SPG11: variants seen among roughly 807,000 people sequenced by gnomAD.
SPG11 encodes SPG11 vesicle trafficking associated, spatacsin.
In SPG11, 222 loss-of-function variants were observed where a neutral mutation model predicts 274.0. The ratio of observed to expected loss-of-function variants is 0.81; its 90% CI spans 0.73 to 0.91. SPG11 has a LOEUF of 0.91. Ranked by LOEUF, SPG11 falls within the 40% of genes least tolerant of loss-of-function variation. The pLI is 0.00. For missense variants in SPG11, 3,114 were observed against 2,872.7 expected, an observed-to-expected ratio of 1.08 and a Z score of -1.92; for synonymous variants, 1,144 against 1,039.7, an observed-to-expected ratio of 1.10 and a Z score of -1.93.
rs754007890 is a variant in SPG11, at chr15:44,592,421, CAGT to C, written c.4650_4652del (p.Leu1551del). The C allele has an allele frequency of 6.2e-7, 1 of 1,601,892 alleles. No homozygotes were observed. Among genetic ancestry groups the C allele is most frequent in the Admixed American group, 1.7e-5 (1 of 59,996 alleles). On this transcript the variant is annotated inframe_deletion, in exon 27 of 40. Coordinates refer to ENST00000261866, the MANE Select transcript of SPG11 (RefSeq NM_025137.4). ...TACACAGTTCATACATCTCCATCAC[CAGT>C]AGTAACGGGGAATCCTTTGACAAAG...
intron 28 of SPG11, among the ~76,000 whole-genome samples, chr15:44,586,201 T>C (rs1473582779): frequency 6.6e-6 from 1 of 151,796 alleles, no homozygotes; most frequent in African/African-American, 2.4e-5. Flanking sequence ...TCCAGGCTGC[T>C]CTCGACCGTG....
chr15:44,612,549 C>T (rs935192660), intron 17 of SPG11, among the ~76,000 whole-genome samples: 9 of 152,016 alleles, frequency 5.9e-5, no homozygotes, highest in African/African-American at 2.2e-4. Flanking sequence ...CAGGAGCATG[C>T]CACCACAGCT....
intron 30 of SPG11, among the ~76,000 whole-genome samples, chr15:44,583,320 T>C (rs2082691998): frequency 6.6e-6 from 1 of 152,000 alleles, no homozygotes. Flanking sequence ...TCTCTACTAA[T>C]ACAAAAATTA....
intron 19 of SPG11, among the ~76,000 whole-genome samples, chr15:44,607,948 C>T (rs2083364663): frequency 6.6e-6 from 1 of 152,170 alleles, no homozygotes; most frequent in South Asian, 2.1e-4. Context: ...TTTGGTCTGA[C>T]CCACCTCCAC....
intron 8 of SPG11, among the ~76,000 whole-genome samples, chr15:44,629,796 C>T (rs746727249): frequency 8.7e-5 from 13 of 149,592 alleles, no homozygotes; most frequent in South Asian, 4.2e-4. Flanking sequence ...CAGGGCCGGG[C>T]GCAGTGGCTC....
intron 37 of SPG11, 64 bp from the exon 38 acceptor site, chr15:44,566,073 C>G (rs750337866): frequency 5.3e-5 from 85 of 1,604,338 alleles, no homozygotes; most frequent in Non-Finnish European, 6.3e-5. Flanking sequence ...TGTGTGAACC[C>G]TCACAACGGT....
At chr15:44,646,629 T>G (rs2084618620) in intron 7 of SPG11, among the ~76,000 whole-genome samples, 1 of 152,162 alleles carries the variant, frequency 6.6e-6, no homozygotes, top group Non-Finnish European at 1.5e-5. Context: ...ATATACATGA[T>G]GGAATACTAT....
chr15:44,567,702 G>C (rs1455489166), intron 35 of SPG11, 110 bp from the exon 36 acceptor site: 9 of 1,118,136 alleles, frequency 8.0e-6, no homozygotes, highest in Admixed American at 1.9e-5. Context: ...AAGAAGAAGA[G>C]GAGCAAAAAT....
rs2083381911 is a variant in SPG11, at chr15:44,608,584, C to G, written c.3313G>C (p.Glu1105Gln). The G allele has an allele frequency of 6.2e-7, 1 of 1,613,998 alleles. No individual in the cohort carries two copies. Among genetic ancestry groups the G allele is most frequent in the Admixed American group, 1.7e-5 (1 of 60,012 alleles). Residue 1105 changes from glutamate (E) to glutamine (Q), a missense_variant, in exon 19 of 40, where the codon GAA (glutamate) becomes CAA (glutamine). Glu to Gln is a conservative substitution (Grantham distance 29, BLOSUM62 2). Coordinates refer to ENST00000261866, the MANE Select transcript of SPG11 (RefSeq NM_025137.4). ...VSQVVQNEENENCLKKVDPQL... is the reference protein window; with the variant it reads ...VSQVVQNEENQNCLKKVDPQL... ...GGATCCACTTTCTTCAAACAGTTTT[C>G]ATTTTCTTCATTCTGAACAACCTAA...
intron 2 of SPG11, among the ~76,000 whole-genome samples, chr15:44,659,714 T>C (rs2085048767): frequency 6.6e-6 from 1 of 152,236 alleles, no homozygotes; most frequent in Non-Finnish European, 1.5e-5. Flanking sequence ...AACAGCTCTA[T>C]AAGCAGTCTA....
chr15:44,592,956 G>C (rs2082940972), intron 26 of SPG11, among the ~76,000 whole-genome samples: 1 of 150,818 alleles, frequency 6.6e-6, no homozygotes, highest in African/African-American at 2.4e-5. Context: ...CTGCACTCCA[G>C]CCTGGGCAAC....
chr15:44,660,226 C>T (rs1473670157), intron 2 of SPG11, among the ~76,000 whole-genome samples: 1 of 151,926 alleles, frequency 6.6e-6, no homozygotes, highest in Non-Finnish European at 1.5e-5. Context: ...AGTATTAAGT[C>T]TTCAAAATCT....
At position 44,567,609 on chromosome 15, in the gene SPG11, G is replaced by A. The variant is rs1490793436; in HGVS notation, c.6586-17C>T. 1 of 1,613,776 alleles carries A rather than the reference G, an allele frequency of 6.2e-7. No homozygotes were observed. The highest frequency in any genetic ancestry group is 1.1e-5 in the South Asian group (1 of 91,072). ...GGTACCACTCTGCCCAGAATAAAAG[G>A]GAAAAAGCAAGGTGTCAGTCAGGGA... On this transcript the variant is annotated splice_polypyrimidine_tract_variant and intron_variant, in intron 35 of 39. Transcript: ENST00000261866.
chr15:44,575,043 T>C lies in SPG11; in HGVS notation c.5867-2A>G. On this transcript the variant is annotated splice_acceptor_variant, in intron 30 of 39. Coordinates refer to ENST00000261866, the MANE Select transcript of SPG11 (RefSeq NM_025137.4). LOFTEE classifies it high-confidence loss of function. ...ACTTCTGACTATCCAGACTTGAAGC[T>C]GGAAGCAAATACAAGTCTGAGGGGC... is the stretch of plus-strand genomic sequence containing the variant. The C allele has an allele frequency of 6.2e-7, 1 of 1,613,890 alleles. No homozygotes were observed. Among genetic ancestry groups the C allele is most frequent in the Non-Finnish European group, 8.5e-7 (1 of 1,180,008 alleles).
At position 44,572,504 on chromosome 15, in the gene SPG11, CA is replaced by C; in HGVS notation, c.6343+178del. Reference sequence around the variant, plus strand: ...GATTTTAAATTTGGGGGTACTCATCCATAATTTCTAAATTTTCTTCAGTGAA... The same window carrying C: ...GATTTTAAATTTGGGGGTACTCATCCTAATTTCTAAATTTTCTTCAGTGAA... On this transcript the variant is annotated intron_variant, in intron 33 of 39. Transcript: ENST00000261866. 5 of 633,026 alleles carry C rather than the reference CA, an allele frequency of 7.9e-6. No homozygotes were observed. In the South Asian group the frequency reaches 9.3e-5, roughly 12 times the overall value. 39.2% of individuals were successfully genotyped at this position (633,026 alleles called of 1,614,324 possible).
intron 6 of SPG11, among the ~76,000 whole-genome samples, chr15:44,651,199 C>A (rs972623228): frequency 2.6e-5 from 4 of 152,164 alleles, no homozygotes; most frequent in Admixed American, 6.5e-5. Flanking sequence ...ACCTTGCTTA[C>A]AACCTCTGCT....
rs1555455266 is a variant in SPG11, at chr15:44,620,346, C to T, written c.2678G>A (p.Trp893Ter). The T allele has an allele frequency of 6.2e-7, 1 of 1,613,950 alleles. No homozygotes were observed. Among genetic ancestry groups the T allele is most frequent in the Non-Finnish European group, 8.5e-7 (1 of 1,179,976 alleles). ...TCCAATCCATAAGATAATGTTTAAC[C>T]AATCATGGCGAGCTGTGAGGTATCT... ...LWRYLTARHD[W>*]LNIILWIGEF... Residue 893 changes from tryptophan (W) to a stop codon, truncating the protein, a stop_gained, in exon 15 of 40, where the codon TGG becomes TAG. Coordinates refer to ENST00000261866, the MANE Select transcript of SPG11 (RefSeq NM_025137.4). LOFTEE classifies it high-confidence loss of function.
chr15:44,608,191 G>C (rs1200990525), intron 19 of SPG11, among the ~76,000 whole-genome samples: 1 of 152,178 alleles, frequency 6.6e-6, no homozygotes, highest in African/African-American at 2.4e-5. Flanking sequence ...TTAACTCCCA[G>C]AGATGGCTCC....
chr15:44,656,575 G>C (rs555378562), intron 4 of SPG11, among the ~76,000 whole-genome samples: 83 of 152,334 alleles, frequency 5.4e-4, no homozygotes, highest in Non-Finnish European at 8.7e-4. Flanking sequence ...GAAAGTTTGG[G>C]AAGTTGTGGT....
Sources: gnomAD v4.1 joint callset for allele counts (sites outside exome capture counted in the v4.1 genomes callset) on GRCh38, gnomAD v4.1.1 for gene constraint, MANE v1.5 for transcripts, NCBI Gene and HGNC (gene_info 2026-07-23, HGNC 2026-07-21) for gene names.